C2CD2: variants seen among roughly 807,000 people sequenced by gnomAD.
The protein encoded by C2CD2 is C2 calcium dependent domain containing 2.
C2CD2 carries 43 observed loss-of-function variants against 74.3 expected under a neutral mutation model. The ratio of observed to expected loss-of-function variants is 0.58; its 90% confidence interval spans 0.45 to 0.75. C2CD2 has a LOEUF of 0.75. Among genes scored for constraint, C2CD2 ranks in the 30% least tolerant of loss-of-function variants. C2CD2 has a pLI of 0.00. For synonymous variants in C2CD2, 422 were observed against 390.7 expected (o/e 1.08, Z -0.94); for missense variants, 801 against 916.3 (o/e 0.87, Z 1.63).
intron 13 of C2CD2, among the ~76,000 whole-genome samples, chr21:41,889,652 GAC>G (rs2064726274): frequency 6.8e-6 from 1 of 145,994 alleles, no homozygotes; most frequent in Non-Finnish European, 1.5e-5. Context: ...TTTTTTTTGA[GAC>G]AGAGTCTTGC....
At chr21:41,901,326 G>A in intron 12 of C2CD2, 1 of 461,820 alleles carries the variant, frequency 2.2e-6, no homozygotes, top group South Asian at 2.1e-5. Flanking sequence ...CCAAAGGGGA[G>A]TCTTACATCA....
chr21:41,899,219 T>C lies in C2CD2; in HGVS notation c.1704A>G (p.Ala568=). Residue 568 remains alanine (A), a synonymous_variant, in exon 13 of 14, where the codon GCA becomes GCG. Transcript: ENST00000380486. This position sits in a 1 kb window ranked among gnomAD's most constrained non-coding sequence, Gnocchi z 4.4. ...CCTCCTGGGGCTTGGGGGCAAGGGA[T>C]GCCTGGGCTGACTCGGCTTCCTCTG... ...APPEEAESAQ[A]SLAPKPQEDE... 6.2e-7 allele frequency: 1 copy of C among 1,612,504 alleles called. No homozygotes were observed. The highest frequency in any genetic ancestry group is 1.3e-5 in the African/African-American group (1 of 74,990).
rs894651993 is a variant in C2CD2 at position 41,892,208 on chromosome 21, T to G, written c.1871-2864A>C. 6.6e-6 allele frequency among the ~76,000 whole-genome samples: 1 copy of G among 151,974 alleles called. No individual in the cohort carries two copies. Among genetic ancestry groups the G allele is most frequent in the African/African-American group, 2.4e-5 (1 of 41,376 alleles). ...GAAGGGTCACAGGAAGGATGCCACG[T>G]GAAGATGAAGGCAGAGCACAGGGTG... On this transcript the variant is annotated intron_variant, in intron 13 of 13. Transcript: ENST00000380486. The surrounding 1 kb of genome is among the most constrained non-coding windows in gnomAD (Gnocchi z 4.6).
intron 1 of C2CD2, among the ~76,000 whole-genome samples, chr21:41,950,484 T>C (rs892029123): frequency 8.5e-5 from 13 of 152,212 alleles, no homozygotes; most frequent in African/African-American, 3.1e-4. Context: ...GCAGTGGTCA[T>C]CAGAGAGCAG....
At chr21:41,905,946 G>A (rs1407331926) in intron 10 of C2CD2, 109 bp from the exon 11 acceptor site, 2 of 729,732 alleles carry the variant, frequency 2.7e-6, no homozygotes, top group Non-Finnish European at 5.0e-6. Context: ...TGTGCAGTTG[G>A]TAAAGGCAAA....
chr21:41,901,395 G>A, intron 12 of C2CD2: 1 of 589,840 alleles, frequency 1.7e-6, no homozygotes, highest in South Asian at 2.0e-5. Context: ...AACGTGTAAA[G>A]CGTCCCTGAT....
chr21:41,947,992 C>G (rs1015916152), intron 1 of C2CD2, among the ~76,000 whole-genome samples: 1 of 152,252 alleles, frequency 6.6e-6, no homozygotes, highest in Non-Finnish European at 1.5e-5. Context: ...TACACCCACA[C>G]TTTCCTGAAT....
intron 1 of C2CD2, among the ~76,000 whole-genome samples, chr21:41,947,137 T>TCTCTCTCTCTCTCTCTCTCTCTCCCC (rs778013814): frequency 3.9e-5 from 1 of 25,638 alleles, no homozygotes. Flanking sequence ...TCTCTCTCTC[T>TCTCTCTCTCTCTCTCTCTCTCTCCCC]CTCCCTCCCT....
intron 13 of C2CD2, among the ~76,000 whole-genome samples, 163 bp from the exon 14 acceptor site, chr21:41,889,507 A>C (rs1217136228): frequency 2.0e-5 from 3 of 152,186 alleles, no homozygotes; most frequent in African/African-American, 7.2e-5. Context: ...AATAACTGGA[A>C]TCTGGCTTGT....
At chr21:41,907,368 G>C (rs1360537325) in intron 9 of C2CD2, among the ~76,000 whole-genome samples, 1 of 152,238 alleles carries the variant, frequency 6.6e-6, no homozygotes, top group Non-Finnish European at 1.5e-5. Flanking sequence ...CGTAATGATG[G>C]CAACAGAATA....
Position 41,895,799 on chromosome 21 carries a change from T to C in C2CD2, c.1870+3254A>G, listed in dbSNP as rs1356167067. On this transcript the variant is annotated intron_variant, in intron 13 of 13. Coordinates refer to ENST00000380486, the MANE Select transcript of C2CD2 (RefSeq NM_015500.2). This position sits in a 1 kb window ranked among gnomAD's most constrained non-coding sequence, Gnocchi z 5.0. ...CATAAATAGCGAATTGAAGGTTCTG[T>C]CTTAAAACCCAGCAGAAAGAAAAAC... is the stretch of plus-strand genomic sequence containing the variant. 6.6e-6 allele frequency among the ~76,000 whole-genome samples: 1 copy of C among 152,098 alleles called. No individual in the cohort carries two copies. The highest frequency in any genetic ancestry group is 1.5e-5 in the Non-Finnish European group (1 of 68,034).
At chr21:41,938,918 A>G (rs573747132) in intron 2 of C2CD2, among the ~76,000 whole-genome samples, 3 of 151,910 alleles carry the variant, frequency 2.0e-5, no homozygotes, top group Non-Finnish European at 4.4e-5. Context: ...ATTTTTTTGT[A>G]TATTTAGTAG....
chr21:41,905,240 T>A (rs893431638), intron 11 of C2CD2, among the ~76,000 whole-genome samples: 1 of 152,010 alleles, frequency 6.6e-6, no homozygotes, highest in East Asian at 1.9e-4. Context: ...TGGTCTCTGA[T>A]CAATTTGGAG....
chr21:41,941,711 A>C (rs566155452), intron 2 of C2CD2, among the ~76,000 whole-genome samples: 7 of 152,274 alleles, frequency 4.6e-5, no homozygotes, highest in Non-Finnish European at 8.8e-5. Context: ...AGAACATTTC[A>C]TCACCCCAAC....
chr21:41,912,471 C>T (rs377276672), intron 6 of C2CD2, 31 bp from the exon 7 acceptor site: 21 of 1,166,214 alleles, frequency 1.8e-5, no homozygotes, highest in African/African-American at 8.3e-5. Flanking sequence ...ATCGTGTTGG[C>T]GTTTATTTTT....
rs2064700178 is a variant in C2CD2, at chr21:41,887,629, G to A, written c.*1495C>T. 6.6e-6 allele frequency: 1 copy of A among 151,728 alleles called. No homozygotes were observed. The highest frequency in any genetic ancestry group is 2.4e-5 in the African/African-American group (1 of 41,258). 9.4% of individuals were successfully genotyped at this position (151,728 alleles called of 1,614,324 possible). A position where few individuals can be genotyped will look rare whatever the true frequency, so the allele number is the denominator to read the frequency against. ...ATCCTATAATTTTGGTTTTGATACCGGTTTTTACTAAAAAAGAAAAAATCC... is the reference window on the plus strand; with the variant it reads ...ATCCTATAATTTTGGTTTTGATACCAGTTTTTACTAAAAAAGAAAAAATCC... On this transcript the variant is annotated 3_prime_UTR_variant, in exon 14 of 14. Transcript: ENST00000380486.
intron 2 of C2CD2, among the ~76,000 whole-genome samples, chr21:41,925,959 G>C (rs575979063): frequency 6.6e-6 from 1 of 152,180 alleles, no homozygotes; most frequent in East Asian, 1.9e-4. Context: ...TGAGCTCTTC[G>C]GGGAATTCCA....
rs2064705424 is a variant in C2CD2, at chr21:41,888,143, A to G, written c.*981T>C. On this transcript the variant is annotated 3_prime_UTR_variant, in exon 14 of 14. Transcript: ENST00000380486. ...CATTTGTTATTAAACTTCCATTCCT[A>G]AGACTGACACCTGAGACACAAAATA... 1 of 152,628 alleles carries G rather than the reference A, an allele frequency of 6.6e-6. No individual in the cohort carries two copies. Among genetic ancestry groups the G allele is most frequent in the South Asian group, 2.1e-4 (1 of 4,826 alleles). 9.5% of individuals were successfully genotyped at this position (152,628 alleles called of 1,614,324 possible).
intron 2 of C2CD2, among the ~76,000 whole-genome samples, chr21:41,932,711 G>T (rs922629988): frequency 1.3e-5 from 2 of 150,590 alleles, no homozygotes; most frequent in Non-Finnish European, 3.0e-5. Context: ...GCTGGGCCGG[G>T]TGTGGACTCT....
Sources: allele counts gnomAD v4.1 joint callset (sites outside exome capture counted in the v4.1 genomes callset), GRCh38; gene constraint gnomAD v4.1.1; non-coding constraint Gnocchi (gnomAD v3.1); transcripts MANE v1.5; gene names NCBI Gene and HGNC (gene_info 2026-07-23, HGNC 2026-07-21).